Variants in RIC8B observed in about 807,000 individuals in gnomAD.
RIC8B encodes chaperone Ric-8B.
In RIC8B, 16 loss-of-function variants were observed where a neutral mutation model predicts 57.5. The ratio of observed to expected loss-of-function variants is 0.28; its 90% CI spans 0.19 to 0.42. The LOEUF (loss-of-function observed/expected upper bound fraction) is 0.42. RIC8B is among the 10% of genes least tolerant of loss of function. RIC8B has a pLI of 1.00. For synonymous variants in RIC8B, 216 were observed against 250.8 expected, an observed-to-expected ratio of 0.86 and a Z score of 1.31; for missense variants, 481 against 677.0, an observed-to-expected ratio of 0.71 and a Z score of 3.21.
Position 106,843,918 on chromosome 12 carries a change from C to T in RIC8B, c.1132C>T (p.Arg378Ter), listed in dbSNP as rs1043832802. The T allele has an allele frequency of 1.2e-6, 2 of 1,613,332 alleles. No individual in the cohort carries two copies. Among genetic ancestry groups the T allele is most frequent in the Non-Finnish European group, 1.7e-6 (2 of 1,179,794 alleles). ...ATTAACCGAATGTTCCCGAGCCCAT[C>T]GAAACATCCGAAAATTTCTCAAAGA... ...SLLTECSRAH[R>*]NIRKFLKDQV... Residue 378 changes from arginine to a stop codon, truncating the protein, a stop_gained, in exon 6 of 10, where the codon CGA (arginine) becomes TGA (stop). Coordinates refer to ENST00000392837, the MANE Select transcript of RIC8B (RefSeq NM_001330145.2). LOFTEE classifies it high-confidence loss of function.
At chr12:106,794,619 C>T (rs1046459850) in intron 2 of RIC8B, among the ~76,000 whole-genome samples, 1 of 152,038 alleles carries the variant, frequency 6.6e-6, no homozygotes, top group Non-Finnish European at 1.5e-5. Flanking sequence ...AGTGGGATAA[C>T]ATATTGGAAG....
intron 4 of RIC8B, among the ~76,000 whole-genome samples, chr12:106,833,620 T>G (rs962275339): frequency 3.9e-5 from 6 of 151,992 alleles, no homozygotes; most frequent in African/African-American, 1.2e-4. Context: ...AAAAAAAAAT[T>G]ATCAAATAGC....
intron 7 of RIC8B, among the ~76,000 whole-genome samples, chr12:106,853,180 C>T (rs942366404): frequency 1.3e-5 from 2 of 151,892 alleles, no homozygotes; most frequent in Non-Finnish European, 2.9e-5. Flanking sequence ...TGTAATTACA[C>T]ACCTAAGTGT....
At position 106,823,321 on chromosome 12, in the gene RIC8B, A is replaced by G. The variant is rs1197937870; in HGVS notation, c.742-2405A>G. ...CCAGCGATGCAAAGAGCAGAGGCAA[A>G]CAATCCAGGGATTTTGGTAGTTGTT... is the stretch of plus-strand genomic sequence containing the variant. On this transcript the variant is annotated intron_variant, in intron 3 of 9. Coordinates refer to ENST00000392837, the MANE Select transcript of RIC8B (RefSeq NM_001330145.2). 10 of 396,920 alleles carry G rather than the reference A, an allele frequency of 2.5e-5. No individual in the cohort carries two copies. In the Admixed American group the frequency reaches 2.7e-4, roughly 11 times the overall value. The allele number at this position is 396,920 out of a possible 1,614,324, so 24.6% of individuals were successfully genotyped here.
rs190544578 is a variant in RIC8B, at chr12:106,843,207, C to G, written c.1065+390C>G. On this transcript the variant is annotated intron_variant, in intron 5 of 9. Transcript: ENST00000392837. ...TCCCAAAAAAAAGAAAAAAGAAGAC[C>G]TTGTCAATTTCCCATTTGTTGTGAG... Among the ~76,000 whole-genome samples the G allele has an allele frequency of 3.6e-4, 55 of 152,104 alleles. No homozygotes were observed. The East Asian group carries it at 5.6e-3, about 16-fold the overall frequency.
chr12:106,853,351 G>A (rs571171665), intron 7 of RIC8B, among the ~76,000 whole-genome samples: 1 of 149,734 alleles, frequency 6.7e-6, no homozygotes, highest in Non-Finnish European at 1.5e-5. Flanking sequence ...CTCCCTCTTG[G>A]ACCCAGTATT....
chr12:106,775,501 T>G (rs2043428107), intron 1 of RIC8B: 3 of 362,750 alleles, frequency 8.3e-6, no homozygotes, highest in Non-Finnish European at 1.7e-5. Flanking sequence ...ATCCATTATC[T>G]TATTTAATCT....
At position 106,811,363 on chromosome 12, in the gene RIC8B, G is replaced by A. The variant is rs2045326906; in HGVS notation, c.133-3333G>A. Among the ~76,000 whole-genome samples, 4 of 152,350 alleles carry A rather than the reference G, an allele frequency of 2.6e-5. No homozygotes were observed. The South Asian group carries it at 8.3e-4, about 32-fold the overall frequency. ...CATTGTGGATTCTGGACCAGCAGTA[G>A]CATCAACTAGGAATTTGTTAAAAGT... On this transcript the variant is annotated intron_variant, in intron 2 of 9. Coordinates refer to ENST00000392837, the MANE Select transcript of RIC8B (RefSeq NM_001330145.2).
chr12:106,846,297 G>A (rs1471491320), intron 6 of RIC8B, among the ~76,000 whole-genome samples: 1 of 151,884 alleles, frequency 6.6e-6, no homozygotes, highest in Non-Finnish European at 1.5e-5. Context: ...ATTTCAATAC[G>A]TGGTACCACC....
chr12:106,832,852 C>A (rs2046415992), intron 4 of RIC8B, among the ~76,000 whole-genome samples: 1 of 152,174 alleles, frequency 6.6e-6, no homozygotes, highest in Admixed American at 6.5e-5. Context: ...AATTAAGTGG[C>A]TCTCTCGCTG....
At chr12:106,866,599 G>A (rs1263838965) in intron 8 of RIC8B, among the ~76,000 whole-genome samples, 1 of 152,094 alleles carries the variant, frequency 6.6e-6, no homozygotes, top group East Asian at 1.9e-4. Flanking sequence ...GTTGCAAATT[G>A]TCTAGATTTA....
chr12:106,822,452 T>A (rs1396615020), intron 3 of RIC8B: 4 of 152,182 alleles, frequency 2.6e-5, no homozygotes, highest in Admixed American at 2.6e-4. Flanking sequence ...AAAAATTGTG[T>A]TCACATCAGC....
intron 4 of RIC8B, among the ~76,000 whole-genome samples, chr12:106,829,445 T>C (rs1419000449): frequency 3.9e-5 from 6 of 152,212 alleles, no homozygotes; most frequent in African/African-American, 1.2e-4. Context: ...TCGTTTTCTT[T>C]TACTCACTGA....
At chr12:106,844,073 A>G (rs903597016) in intron 6 of RIC8B, 126 bp downstream of exon 6, 9 of 700,750 alleles carry the variant, frequency 1.3e-5, no homozygotes, top group Non-Finnish European at 2.2e-5. Flanking sequence ...TTAATCTTTG[A>G]AATCTTCTTA....
intron 7 of RIC8B, among the ~76,000 whole-genome samples, chr12:106,856,419 T>C (rs967850176): frequency 2.0e-5 from 3 of 152,242 alleles, no homozygotes; most frequent in Non-Finnish European, 4.4e-5. Flanking sequence ...TGCTTAATCA[T>C]ACTAAATTCT....
In RIC8B at chr12:106,866,463, C is replaced by T. The variant is rs184679710; in HGVS notation, c.1452-4360C>T. On this transcript the variant is annotated intron_variant, in intron 8 of 9. Transcript: ENST00000392837. ...GGGGAGCAGTGTATTCTGGGTTTTT[C>T]CCCCTGGAAAGTTGTTTTAGTTTCA... 2.0e-3 allele frequency among the ~76,000 whole-genome samples: 276 copies of T among 139,888 alleles called. 1 individual carries two copies. The highest frequency in any genetic ancestry group is 8.7e-3 in the African/African-American group (262 of 29,970). The allele number at this position is 139,888 out of a possible 152,430, so 91.8% of individuals were successfully genotyped here. A position where few individuals can be genotyped will look rare whatever the true frequency, so the allele number is the denominator to read the frequency against.
rs1190862931 is a variant in RIC8B, at chr12:106,885,954, C to T, written c.1622C>T (p.Pro541Leu). The T allele has an allele frequency of 1.2e-6, 2 of 1,613,646 alleles. No individual in the cohort carries two copies. The highest frequency in any genetic ancestry group is 3.3e-5 in the Admixed American group (2 of 59,974). The change falls in exon 10 of 10, where the codon CCT (proline) becomes CTT (leucine). Residue 541 changes from proline (P) to leucine (L), a missense_variant. Pro to Leu is a moderately conservative substitution (Grantham distance 98). Transcript: ENST00000392837. ...MGLKPDGTITPLEEALNQYSV... is the reference protein window; with the variant it reads ...MGLKPDGTITLLEEALNQYSV... ...CTAAAACCTGATGGGACAATAACGC[C>T]TTTGGAGGAAGCACTCAACCAGTAC...
At chr12:106,796,959 C>T (rs895166986) in intron 2 of RIC8B, among the ~76,000 whole-genome samples, 6 of 152,128 alleles carry the variant, frequency 3.9e-5, no homozygotes, top group African/African-American at 1.2e-4. Context: ...CAAATCAAAA[C>T]CACCATAAAA....
At chr12:106,853,756 C>T (rs1340117379) in intron 7 of RIC8B, among the ~76,000 whole-genome samples, 5 of 151,876 alleles carry the variant, frequency 3.3e-5, no homozygotes, top group Non-Finnish European at 7.4e-5. Context: ...CATGAGCCAC[C>T]GCACCTGACC....
Sources: allele counts gnomAD v4.1 joint callset (sites outside exome capture counted in the v4.1 genomes callset), GRCh38; gene constraint gnomAD v4.1.1; transcripts MANE v1.5; gene names NCBI Gene and HGNC (gene_info 2026-07-23, HGNC 2026-07-21).